Variants in ARHGAP6 observed in about 807,000 individuals in gnomAD.
ARHGAP6 encodes Rho GTPase activating protein 6, also known as rho GTPase-activating protein 6.
In ARHGAP6, 16 loss-of-function variants were observed where a neutral mutation model predicts 55.7. The ratio of observed to expected loss-of-function variants is 0.29; its 90% CI spans 0.19 to 0.44. The LOEUF is 0.44. ARHGAP6 is among the 20% of genes least tolerant of loss of function. The pLI is 1.00. For synonymous variants in ARHGAP6, 382 were observed against 360.9 expected, an observed-to-expected ratio of 1.06 and a Z score of -0.66; for missense variants, 698 against 808.9, an observed-to-expected ratio of 0.86 and a Z score of 1.66.
At position 11,256,943 on chromosome X, in the gene ARHGAP6, G is replaced by A. The variant is rs148942780; in HGVS notation, c.589-2236C>T. On this transcript the variant is annotated intron_variant, in intron 1 of 12. Coordinates refer to ENST00000337414, the MANE Select transcript of ARHGAP6 (RefSeq NM_013427.3). ...ATCTAGTCAAAGTGAGGAGGCTGCA[G>A]TCACATTCAGTGAACAGAAGAAAAT... Among the ~76,000 whole-genome samples, 957 of 111,541 alleles carry A rather than the reference G, an allele frequency of 8.6e-3. 6 individuals carry two copies. Among genetic ancestry groups the A allele is most frequent in the Middle Eastern group, 0.037 (8 of 214 alleles).
Position 11,660,547 on chromosome X carries a change from A to C in ARHGAP6, c.588+3694T>G, listed in dbSNP as rs1047939541. ...CTCTCTCTCAAAAAAAAAAAAAAAA[A>C]AAAAAAAAAAAAAAAAAAAAAAAAA... On this transcript the variant is annotated intron_variant, in intron 1 of 12. Coordinates refer to ENST00000337414, the MANE Select transcript of ARHGAP6 (RefSeq NM_013427.3). 2.3e-3 allele frequency among the ~76,000 whole-genome samples: 119 copies of C among 52,380 alleles called. 3 individuals carry two copies. The highest frequency in any genetic ancestry group is 7.0e-3 in the African/African-American group (108 of 15,438). 45.5% of individuals were successfully genotyped at this position (52,380 alleles called of 115,157 possible).
At chrX:11,269,815 C>T (rs1259099956) in intron 1 of ARHGAP6, among the ~76,000 whole-genome samples, 3 of 111,429 alleles carry the variant, frequency 2.7e-5, no homozygotes, top group South Asian at 3.8e-4. Context: ...TGTAGCTGTC[C>T]GTCCTTTCCC....
intron 1 of ARHGAP6, among the ~76,000 whole-genome samples, chrX:11,392,013 CAG>C (rs1258077436): frequency 1.8e-5 from 2 of 111,814 alleles, no homozygotes; most frequent in East Asian, 5.6e-4. Context: ...TATGTGGGCA[CAG>C]AAGTAAAATA....
chrX:11,256,750 G>C (rs1183344229), intron 1 of ARHGAP6, among the ~76,000 whole-genome samples: 1 of 112,001 alleles, frequency 8.9e-6, no homozygotes, highest in South Asian at 3.7e-4. Flanking sequence ...AGACCTCACT[G>C]AGAAGGCAAA....
chrX:11,159,959 T>TTATA (rs2045919233), intron 9 of ARHGAP6, among the ~76,000 whole-genome samples: 1 of 111,247 alleles, frequency 9.0e-6, no homozygotes, highest in African/African-American at 3.3e-5. Context: ...TTTAAAAACG[T>TTATA]AACACCTAAA....
At chrX:11,586,093 T>G (rs1284873713) in intron 1 of ARHGAP6, among the ~76,000 whole-genome samples, 4 of 111,555 alleles carry the variant, frequency 3.6e-5, no homozygotes, top group African/African-American at 1.3e-4. Flanking sequence ...ACATGAGATT[T>G]GGGCAGGGTC....
intron 1 of ARHGAP6, among the ~76,000 whole-genome samples, chrX:11,524,932 C>T (rs1416304072): frequency 9.0e-6 from 1 of 111,265 alleles, no homozygotes; most frequent in Admixed American, 9.6e-5. Flanking sequence ...CACCTAGCTC[C>T]CCTGCATGCA....
At chrX:11,236,862 C>T (rs2047209577) in intron 2 of ARHGAP6, among the ~76,000 whole-genome samples, 1 of 112,228 alleles carries the variant, frequency 8.9e-6, no homozygotes, top group Admixed American at 9.4e-5. Flanking sequence ...AAGAGCAGAA[C>T]CCAGATGCCT....
chrX:11,579,708 C>T (rs1422274359), intron 1 of ARHGAP6, among the ~76,000 whole-genome samples: 2 of 112,213 alleles, frequency 1.8e-5, no homozygotes, highest in Non-Finnish European at 3.8e-5. Flanking sequence ...AAAGTTATCT[C>T]TAAATGAATT....
At chrX:11,339,561 A>G (rs2147649312) in intron 1 of ARHGAP6, among the ~76,000 whole-genome samples, 1 of 111,337 alleles carries the variant, frequency 9.0e-6, no homozygotes, top group East Asian at 2.8e-4. Flanking sequence ...TGGGCCCTCA[A>G]TAAATATCAG....
At chrX:11,194,019 C>T (rs1358554704) in intron 3 of ARHGAP6, among the ~76,000 whole-genome samples, 1 of 112,317 alleles carries the variant, frequency 8.9e-6, no homozygotes, top group Non-Finnish European at 1.9e-5. Context: ...TCAATATCAT[C>T]ATCCTAGAAT....
At chrX:11,287,003 T>C (rs763654551) in intron 1 of ARHGAP6, among the ~76,000 whole-genome samples, 2 of 112,156 alleles carry the variant, frequency 1.8e-5, no homozygotes, top group Non-Finnish European at 3.8e-5. Context: ...TGGCAAACTT[T>C]GTAAATACAT....
intron 1 of ARHGAP6, among the ~76,000 whole-genome samples, chrX:11,407,313 G>T (rs937246279): frequency 8.9e-6 from 1 of 112,045 alleles, no homozygotes; most frequent in East Asian, 2.8e-4. Context: ...ATCCATGTGG[G>T]AGCGTGTGTC....
chrX:11,178,014 A>T, intron 8 of ARHGAP6, 86 bp downstream of exon 8: 2 of 1,130,806 alleles, frequency 1.8e-6, no homozygotes, highest in Non-Finnish European at 2.4e-6. Context: ...CATTACCTCC[A>T]GGCAAAATGG....
intron 1 of ARHGAP6, among the ~76,000 whole-genome samples, chrX:11,315,364 T>G (rs772390669): frequency 4.5e-5 from 5 of 111,403 alleles, no homozygotes; most frequent in Admixed American, 9.5e-5. Context: ...CACAATAGAG[T>G]TAGCGCTCTT....
intron 1 of ARHGAP6, among the ~76,000 whole-genome samples, chrX:11,453,223 T>A: frequency 1.0e-5 from 1 of 96,000 alleles, no homozygotes; most frequent in Admixed American, 1.2e-4. Flanking sequence ...ATATATATGC[T>A]ATATATATAC....
intron 1 of ARHGAP6, among the ~76,000 whole-genome samples, chrX:11,361,895 C>G (rs1168284290): frequency 8.9e-6 from 1 of 112,240 alleles, no homozygotes; most frequent in Non-Finnish European, 1.9e-5. Flanking sequence ...CCAAAAGACA[C>G]ACGACAAAAT....
intron 1 of ARHGAP6, among the ~76,000 whole-genome samples, chrX:11,453,863 G>T (rs956729583): frequency 1.8e-5 from 2 of 111,862 alleles, no homozygotes; most frequent in African/African-American, 6.5e-5. Flanking sequence ...ATCTTCCTGA[G>T]AAATCTCTTG....
intron 1 of ARHGAP6, among the ~76,000 whole-genome samples, chrX:11,421,938 C>T (rs998629540): frequency 8.1e-5 from 9 of 111,707 alleles, no homozygotes; most frequent in African/African-American, 2.6e-4. Flanking sequence ...AAAGTCCTAG[C>T]GTAACCTAGG....
Sources: allele counts gnomAD v4.1 joint callset (sites outside exome capture counted in the v4.1 genomes callset), GRCh38; gene constraint gnomAD v4.1.1; transcripts MANE v1.5; gene names NCBI Gene and HGNC (gene_info 2026-07-23, HGNC 2026-07-21).